Variants in ZMPSTE24 observed in about 807,000 individuals in gnomAD.
ZMPSTE24 encodes the protein zinc metallopeptidase STE24.
ZMPSTE24 carries 48 observed loss-of-function variants against 56.7 expected under a neutral mutation model. The observed-to-expected ratio is 0.85, with a 90% CI of 0.67 to 1.08. ZMPSTE24 has a LOEUF of 1.08. ZMPSTE24 is among the 50% of genes least tolerant of loss of function. The pLI is 0.00. For missense variants in ZMPSTE24, 503 were observed against 548.7 expected, an observed-to-expected ratio of 0.92 and a Z score of 0.83; for synonymous variants, 172 against 195.2, an observed-to-expected ratio of 0.88 and a Z score of 0.99.
In ZMPSTE24 at chr1:40,292,783, C is replaced by T. The variant is rs573497102; in HGVS notation, c.*114C>T. ...AGAAGAAAAATTAAGTACAGAAAAG[C>T]CCAGATTTAAATACATTTAATATGT... On this transcript the variant is annotated 3_prime_UTR_variant, in exon 10 of 10. Transcript: ENST00000372759. 7 of 868,294 alleles carry T rather than the reference C, an allele frequency of 8.1e-6. No homozygotes were observed. In the African/African-American group the frequency reaches 1.0e-4, roughly 13 times the overall value. The allele number at this position is 868,294 out of a possible 1,614,324, so 53.8% of individuals were successfully genotyped here. A position where few individuals can be genotyped will look rare whatever the true frequency, so the allele number is the denominator to read the frequency against.
In ZMPSTE24 at chr1:40,263,697, G is replaced by A. The variant is rs77813093; in HGVS notation, c.270+2712G>A. Among the ~76,000 whole-genome samples the A allele has an allele frequency of 2.7e-5, 4 of 149,290 alleles. No homozygotes were observed. In the East Asian group the frequency reaches 7.8e-4, roughly 29 times the overall value. ...AGAATTAATAGGTTTGTATGTTTTG[G>A]TCACAGAGATCAAGTGAGAAGATTA... On this transcript the variant is annotated intron_variant, in intron 2 of 9. Transcript: ENST00000372759.
At chr1:40,276,510 T>C (rs1310311278) in intron 6 of ZMPSTE24, among the ~76,000 whole-genome samples, 1 of 152,164 alleles carries the variant, frequency 6.6e-6, no homozygotes, top group Non-Finnish European at 1.5e-5. Flanking sequence ...GCTAAGAGAT[T>C]AAGAGGAAGC....
rs373829619 is a variant in ZMPSTE24, at chr1:40,260,414, G to A, written c.124-425G>A. Among the ~76,000 whole-genome samples, 13 of 152,148 alleles carry A rather than the reference G, an allele frequency of 8.5e-5. 1 individual carries two copies. The highest frequency in any genetic ancestry group is 1.9e-4 in the East Asian group (1 of 5,182). ...TATGTTTCCATCTGGTGATCCTCAA[G>A]TTTCTGGCATTTAGGACCAAATTTA... is the stretch of plus-strand genomic sequence containing the variant. On this transcript the variant is annotated intron_variant, in intron 1 of 9. Transcript: ENST00000372759.
Position 40,290,843 on chromosome 1 carries a change from C to G in ZMPSTE24, c.1060-11C>G. 1 of 1,613,456 alleles carries G rather than the reference C, an allele frequency of 6.2e-7. No homozygotes were observed. Among genetic ancestry groups the G allele is most frequent in the African/African-American group, 1.3e-5 (1 of 75,014 alleles). ...GGTAATAACTTAGAAATTTCATGTC[C>G]TTCTTTCTAGATGAATTCTTTCCTG... On this transcript the variant is annotated splice_polypyrimidine_tract_variant and intron_variant, in intron 8 of 9. Coordinates refer to ENST00000372759, the MANE Select transcript of ZMPSTE24 (RefSeq NM_005857.5).
rs138860996 is a variant in ZMPSTE24, at chr1:40,281,330, G to A, written c.770-13G>A. On this transcript the variant is annotated splice_polypyrimidine_tract_variant and intron_variant, in intron 6 of 9. Transcript: ENST00000372759. Reference sequence around the variant, plus strand: ...TTAATTATATTCCATGCTTTGAACTGTCTTTTCCTTAGGATCTAAACGCTC... The same window carrying A: ...TTAATTATATTCCATGCTTTGAACTATCTTTTCCTTAGGATCTAAACGCTC... 2 of 1,613,658 alleles carry A rather than the reference G, an allele frequency of 1.2e-6. No individual in the cohort carries two copies. Among genetic ancestry groups the A allele is most frequent in the Admixed American group, 1.7e-5 (1 of 60,002 alleles).
chr1:40,274,260 ATTG>A (rs1254742513), intron 6 of ZMPSTE24, among the ~76,000 whole-genome samples: 4 of 152,240 alleles, frequency 2.6e-5, no homozygotes, highest in Non-Finnish European at 4.4e-5. Flanking sequence ...GTATGTTTTA[ATTG>A]TTGTTAACAA....
chr1:40,261,652 A>G (rs1490965075), intron 2 of ZMPSTE24, among the ~76,000 whole-genome samples: 1 of 152,184 alleles, frequency 6.6e-6, no homozygotes, highest in Non-Finnish European at 1.5e-5. Context: ...TGTAATCAGC[A>G]TATAGTTCCT....
At chr1:40,263,727 C>T (rs1028450717) in intron 2 of ZMPSTE24, among the ~76,000 whole-genome samples, 8 of 144,638 alleles carry the variant, frequency 5.5e-5, no homozygotes, top group Admixed American at 1.4e-4. Context: ...AGATTAGCTT[C>T]GACTTTTTTT....
In ZMPSTE24 at chr1:40,260,870, C is replaced by T. The variant is rs1252305391; in HGVS notation, c.155C>T (p.Pro52Leu). 1.2e-6 allele frequency: 2 copies of T among 1,613,718 alleles called. No homozygotes were observed. Among genetic ancestry groups the T allele is most frequent in the Non-Finnish European group, 1.7e-6 (2 of 1,179,868 alleles). Residue 52 changes from proline to leucine, a missense_variant, in exon 2 of 10, where the codon CCA (proline) becomes CTA (leucine). Coordinates refer to ENST00000372759, the MANE Select transcript of ZMPSTE24 (RefSeq NM_005857.5). ...ATATATAAAACAACAACTCATGTAC[C>T]ACCGGAGTTAGGACAGATCATGGAT... ...RRIYKTTTHV[P>L]PELGQIMDSE...
chr1:40,291,122 T>TA, intron 9 of ZMPSTE24, 125 bp downstream of exon 9: 10 of 1,287,244 alleles, frequency 7.8e-6, no homozygotes, highest in Non-Finnish European at 1.1e-5. Flanking sequence ...CAAAGTCTTT[T>TA]AGTCCCCTGA....
intron 2 of ZMPSTE24, among the ~76,000 whole-genome samples, chr1:40,264,278 G>A (rs1398372787): frequency 6.6e-6 from 1 of 152,176 alleles, no homozygotes; most frequent in Non-Finnish European, 1.5e-5. Context: ...AGGCTGCAGT[G>A]AGCTGAGATT....
At chr1:40,283,504 T>TAAA (rs56840739) in intron 7 of ZMPSTE24, among the ~76,000 whole-genome samples, 1 of 143,646 alleles carries the variant, frequency 7.0e-6, no homozygotes. Flanking sequence ...GACCCTGTCT[T>TAAA]AAAAAAAAAA....
chr1:40,258,446 T>C, intron 1 of ZMPSTE24, 52 bp downstream of exon 1: 7 of 1,612,288 alleles, frequency 4.3e-6, no homozygotes, highest in Non-Finnish European at 5.9e-6. Flanking sequence ...AGCCCTGGAG[T>C]AGCCTTGGCT....
At position 40,288,685 on chromosome 1, in the gene ZMPSTE24, A is replaced by C. The variant is rs61779109; in HGVS notation, c.1060-2169A>C. On this transcript the variant is annotated intron_variant, in intron 8 of 9. Transcript: ENST00000372759. ...CACTTGACCAAGAGCCTCCTTGACC[A>C]TGGGACTCTTTGGGTGAACATTAAC... is the stretch of plus-strand genomic sequence containing the variant. Among the ~76,000 whole-genome samples the C allele has an allele frequency of 3.7e-3, 560 of 152,324 alleles. 13 individuals carry two copies. The highest frequency in any genetic ancestry group is 0.032 in the East Asian group (165 of 5,186).
rs1341774271 is a variant in ZMPSTE24 at position 40,292,464 on chromosome 1, C to T, written c.1223C>T (p.Thr408Ile). 1 of 1,613,910 alleles carries T rather than the reference C, an allele frequency of 6.2e-7. No individual in the cohort carries two copies. Among genetic ancestry groups the T allele is most frequent in the African/African-American group, 1.3e-5 (1 of 74,916 alleles). Residue 408 changes from threonine (T) to isoleucine (I), a missense_variant, in exon 10 of 10, where the codon ACA becomes ATA. Thr to Ile is a moderately conservative substitution (Grantham distance 89). Coordinates refer to ENST00000372759, the MANE Select transcript of ZMPSTE24 (RefSeq NM_005857.5). ...TTTCAGGTTCTTTCTTTTTGCCTAA[C>T]AGTCCTAAGCCGCAGATTTGAGTTT... is the stretch of plus-strand genomic sequence containing the variant. ...PYNEVLSFCL[T>I]VLSRRFEFQA...
At chr1:40,274,136 C>A (rs942833658) in intron 6 of ZMPSTE24, among the ~76,000 whole-genome samples, 1 of 152,136 alleles carries the variant, frequency 6.6e-6, no homozygotes, top group African/African-American at 2.4e-5. Context: ...TGGCTCCAGC[C>A]TGTAATCCCA....
intron 1 of ZMPSTE24, among the ~76,000 whole-genome samples, chr1:40,260,240 T>C (rs1643483088): frequency 6.6e-6 from 1 of 151,990 alleles, no homozygotes; most frequent in Non-Finnish European, 1.5e-5. Flanking sequence ...TTTGTATTTT[T>C]TGTAGAGACG....
At chr1:40,281,235 G>T in intron 6 of ZMPSTE24, 108 bp from the exon 7 acceptor site, 1 of 1,083,596 alleles carries the variant, frequency 9.2e-7, no homozygotes. Flanking sequence ...CATATTAAAT[G>T]ATTTGAAAAT....
At chr1:40,280,233 A>T (rs1293811150) in intron 6 of ZMPSTE24, among the ~76,000 whole-genome samples, 4 of 151,968 alleles carry the variant, frequency 2.6e-5, no homozygotes, top group Non-Finnish European at 4.4e-5. Flanking sequence ...GTCATTGTCA[A>T]CTTCCGATGG....
Sources: allele counts gnomAD v4.1 joint callset (sites outside exome capture counted in the v4.1 genomes callset), GRCh38; gene constraint gnomAD v4.1.1; transcripts MANE v1.5; gene names NCBI Gene and HGNC (gene_info 2026-07-23, HGNC 2026-07-21).